Variants in KCNAB1 observed in about 807,000 individuals in gnomAD.
KCNAB1 encodes the protein potassium voltage-gated channel subfamily A regulatory beta subunit 1.
In KCNAB1, 35 loss-of-function variants were observed where a neutral mutation model predicts 64.6. That is an observed-to-expected ratio of 0.54 (90% CI 0.41 to 0.72). KCNAB1 has a LOEUF of 0.72. Ranked by LOEUF, KCNAB1 falls within the 30% of genes least tolerant of loss-of-function variation. KCNAB1 has a pLI of 0.00. For missense variants in KCNAB1, 401 were observed against 512.9 expected, an observed-to-expected ratio of 0.78 and a Z score of 2.11; for synonymous variants, 177 against 183.8, an observed-to-expected ratio of 0.96 and a Z score of 0.30.
At chr3:156,399,866 A>C (rs894720014) in intron 1 of KCNAB1, among the ~76,000 whole-genome samples, 1 of 152,166 alleles carries the variant, frequency 6.6e-6, no homozygotes, top group Non-Finnish European at 1.5e-5. Flanking sequence ...AGCAGTATAA[A>C]ATTACCGCAC....
At chr3:156,336,935 C>A (rs1723751994) in intron 1 of KCNAB1, among the ~76,000 whole-genome samples, 1 of 152,196 alleles carries the variant, frequency 6.6e-6, no homozygotes, top group Non-Finnish European at 1.5e-5. Context: ...TTCATAGCTA[C>A]TTGAAGTGCA....
At chr3:156,460,853 C>A (rs940684588) in intron 5 of KCNAB1, among the ~76,000 whole-genome samples, 20 of 152,244 alleles carry the variant, frequency 1.3e-4, no homozygotes, top group African/African-American at 4.6e-4. Context: ...GAAGGTGAAA[C>A]AGACCCATGT....
chr3:156,330,626 C>T (rs1723270121), intron 1 of KCNAB1, among the ~76,000 whole-genome samples: 1 of 152,150 alleles, frequency 6.6e-6, no homozygotes, highest in African/African-American at 2.4e-5. Flanking sequence ...CTGGTTGTCA[C>T]TAATCCCATT....
chr3:156,318,497 C>A (rs1041489953), intron 1 of KCNAB1, among the ~76,000 whole-genome samples: 4 of 152,086 alleles, frequency 2.6e-5, no homozygotes, highest in Admixed American at 2.6e-4. Context: ...CCAGATCTTC[C>A]AAATATTCAA....
At chr3:156,179,893 T>C (rs1712693317) in intron 1 of KCNAB1, among the ~76,000 whole-genome samples, 1 of 152,204 alleles carries the variant, frequency 6.6e-6, no homozygotes, top group Non-Finnish European at 1.5e-5. Context: ...TAAGTAATAA[T>C]ATTAATAAAT....
intron 1 of KCNAB1, among the ~76,000 whole-genome samples, chr3:156,181,058 T>C (rs930187711): frequency 6.6e-6 from 1 of 152,186 alleles, no homozygotes; most frequent in African/African-American, 2.4e-5. Flanking sequence ...CTTTACTCTG[T>C]GTCTGTATTG....
chr3:156,403,749 C>G (rs1487202571), intron 1 of KCNAB1, among the ~76,000 whole-genome samples: 1 of 152,052 alleles, frequency 6.6e-6, no homozygotes, highest in African/African-American at 2.4e-5. Flanking sequence ...AAAATATTAG[C>G]TGGGCGTAGT....
At chr3:156,143,526 A>C in intron 1 of KCNAB1, 3 of 784,662 alleles carry the variant, frequency 3.8e-6, no homozygotes, top group Non-Finnish European at 5.6e-6. Context: ...TGTAAGAAAA[A>C]GAAGGAAAAA....
intron 1 of KCNAB1, among the ~76,000 whole-genome samples, chr3:156,341,187 T>C (rs1357007050): frequency 1.3e-5 from 2 of 152,238 alleles, no homozygotes; most frequent in African/African-American, 4.8e-5. Context: ...TGTATAGATA[T>C]AGATATTAGA....
At chr3:156,171,623 C>T (rs1711997149) in intron 1 of KCNAB1, among the ~76,000 whole-genome samples, 1 of 152,218 alleles carries the variant, frequency 6.6e-6, no homozygotes, top group Non-Finnish European at 1.5e-5. Flanking sequence ...ATAACATTTT[C>T]TGCTTTAAGA....
chr3:156,323,563 A>G (rs1025452470), intron 1 of KCNAB1, among the ~76,000 whole-genome samples: 1 of 152,192 alleles, frequency 6.6e-6, no homozygotes, highest in African/African-American at 2.4e-5. Flanking sequence ...AGTATTTTTT[A>G]AACAAATCCC....
At chr3:156,359,599 G>C (rs1196642389) in intron 1 of KCNAB1, among the ~76,000 whole-genome samples, 1 of 152,188 alleles carries the variant, frequency 6.6e-6, no homozygotes. Flanking sequence ...AGGACACCAA[G>C]AGAACAATGA....
rs975979843 is a variant in KCNAB1, at chr3:156,291,216, AC to A, written c.276-130397del. 84 of 986,232 alleles carry A rather than the reference AC, an allele frequency of 8.5e-5. No individual in the cohort carries two copies. In the African/African-American group the frequency reaches 1.4e-3, roughly 16 times the overall value. The allele number at this position is 986,232 out of a possible 1,614,324, so 61.1% of individuals were successfully genotyped here. ...TGCCTGCTCCTCCGTGCAGCTGCAA[AC>A]CCGTGTCGGTGCAGGCTCAGCAACC... On this transcript the variant is annotated intron_variant, in intron 1 of 13. Transcript: ENST00000490337.
intron 1 of KCNAB1, among the ~76,000 whole-genome samples, chr3:156,386,133 G>A (rs1280093387): frequency 6.6e-6 from 1 of 152,208 alleles, no homozygotes; most frequent in African/African-American, 2.4e-5. Flanking sequence ...GCAAACTTTA[G>A]AGTAGGAGTG....
chr3:156,282,118 C>A (rs1312300469), intron 1 of KCNAB1, among the ~76,000 whole-genome samples: 7 of 147,028 alleles, frequency 4.8e-5, no homozygotes, highest in African/African-American at 1.8e-4. Context: ...TATAAATTTC[C>A]CTCTACACAC....
Position 156,354,120 on chromosome 3 carries a change from G to GTGTATATATATA in KCNAB1, c.276-67495_276-67494insGTATATATATAT, listed in dbSNP as rs372765461. ...AATATATGTATATATATGTGTGTGT[G>GTGTATATATATA]TATATATATATATATATATATATGT... On this transcript the variant is annotated intron_variant, in intron 1 of 13. Transcript: ENST00000490337. 1.5e-3 allele frequency among the ~76,000 whole-genome samples: 204 copies of GTGTATATATATA among 132,546 alleles called. 1 individual carries two copies. Among genetic ancestry groups the GTGTATATATATA allele is most frequent in the Admixed American group, 3.0e-3 (39 of 13,016 alleles). The allele number at this position is 132,546 out of a possible 152,430, so 87.0% of individuals were successfully genotyped here. A position where few individuals can be genotyped will look rare whatever the true frequency, so the allele number is the denominator to read the frequency against.
At chr3:156,286,022 G>C (rs2108510926) in intron 1 of KCNAB1, among the ~76,000 whole-genome samples, 1 of 152,332 alleles carries the variant, frequency 6.6e-6, no homozygotes, top group African/African-American at 2.4e-5. Context: ...CTGGTAGTGT[G>C]AGAAAATCTG....
intron 8 of KCNAB1, among the ~76,000 whole-genome samples, chr3:156,482,922 G>A (rs1714934174): frequency 6.6e-6 from 1 of 152,048 alleles, no homozygotes; most frequent in Non-Finnish European, 1.5e-5. Context: ...GGTTATCCTA[G>A]AGGTCTCAAA....
At chr3:156,296,907 C>G (rs1386459388) in intron 1 of KCNAB1, among the ~76,000 whole-genome samples, 1 of 152,140 alleles carries the variant, frequency 6.6e-6, no homozygotes, top group Non-Finnish European at 1.5e-5. Context: ...GTTAAGCATG[C>G]CTGCTTAACT....
Sources: gnomAD v4.1 joint callset for allele counts (sites outside exome capture counted in the v4.1 genomes callset) on GRCh38, gnomAD v4.1.1 for gene constraint, MANE v1.5 for transcripts, NCBI Gene and HGNC (gene_info 2026-07-23, HGNC 2026-07-21) for gene names.